Variants in COL22A1 observed in about 807,000 individuals in gnomAD.
The protein encoded by COL22A1 is collagen alpha-1(XXII) chain.
COL22A1 carries 221 observed loss-of-function variants against 248.9 expected under a neutral mutation model. The observed-to-expected ratio is 0.89, with a 90% confidence interval of 0.80 to 0.99. The LOEUF is 0.99. Ranked by LOEUF, COL22A1 falls within the 50% of genes least tolerant of loss-of-function variation. COL22A1 has a pLI of 0.00. For missense variants in COL22A1, 2,240 were observed against 2,179.0 expected (o/e 1.03, Z -0.56); for synonymous variants, 891 against 793.4 (o/e 1.12, Z -2.07).
At chr8:138,708,288 C>T (rs201701350) in intron 30 of COL22A1, among the ~76,000 whole-genome samples, 2 of 152,086 alleles carry the variant, frequency 1.3e-5, no homozygotes, top group African/African-American at 2.4e-5. Context: ...AAAAACTACT[C>T]TAAAGTTCAT....
At chr8:138,611,675 TG>T (rs1267155605) in intron 56 of COL22A1, among the ~76,000 whole-genome samples, 1 of 152,242 alleles carries the variant, frequency 6.6e-6, no homozygotes, top group Non-Finnish European at 1.5e-5. Context: ...GTTTTCCCCG[TG>T]GGGTTGATAT....
intron 37 of COL22A1, among the ~76,000 whole-genome samples, chr8:138,688,684 T>A (rs1826565092): frequency 6.6e-6 from 1 of 152,072 alleles, no homozygotes; most frequent in Non-Finnish European, 1.5e-5. Context: ...CTAATTAACT[T>A]CTCAGAGCCT....
intron 59 of COL22A1, among the ~76,000 whole-genome samples, chr8:138,602,632 G>C (rs1376236457): frequency 4.6e-5 from 7 of 152,114 alleles, no homozygotes; most frequent in Non-Finnish European, 7.4e-5. Flanking sequence ...TGGCCTGCAG[G>C]TCTCCTCTTC....
At chr8:138,672,033 A>G (rs968603197) in intron 41 of COL22A1, among the ~76,000 whole-genome samples, 2 of 152,174 alleles carry the variant, frequency 1.3e-5, no homozygotes, top group Non-Finnish European at 2.9e-5. Flanking sequence ...CAAATTTTCA[A>G]TTGTGCAGGG....
intron 3 of COL22A1, among the ~76,000 whole-genome samples, chr8:138,850,037 C>T (rs994982169): frequency 8.5e-5 from 13 of 152,072 alleles, no homozygotes; most frequent in South Asian, 2.1e-4. Flanking sequence ...TAATTGAAAG[C>T]GGGAGGAAAT....
chr8:138,891,683 C>A (rs1456176397), intron 1 of COL22A1, among the ~76,000 whole-genome samples: 1 of 152,158 alleles, frequency 6.6e-6, no homozygotes, highest in Non-Finnish European at 1.5e-5. Flanking sequence ...TAGGTCCATA[C>A]TCAGTCACTC....
intron 62 of COL22A1, among the ~76,000 whole-genome samples, chr8:138,594,903 A>G (rs1051048270): frequency 6.6e-6 from 1 of 152,200 alleles, no homozygotes; most frequent in South Asian, 2.1e-4. Flanking sequence ...TGGTCACTGG[A>G]GATCCTATAC....
intron 4 of COL22A1, among the ~76,000 whole-genome samples, chr8:138,843,020 G>A (rs1397844413): frequency 6.6e-6 from 1 of 152,146 alleles, no homozygotes; most frequent in Admixed American, 6.5e-5. Flanking sequence ...TCTGGGAAAC[G>A]GGGTCAAATG....
chr8:138,792,593 A>C (rs1013874356), intron 12 of COL22A1, among the ~76,000 whole-genome samples: 3 of 152,368 alleles, frequency 2.0e-5, no homozygotes, highest in South Asian at 4.1e-4. Context: ...AATGGGACTA[A>C]CCAGGAGAAT....
rs760250526 is a variant in COL22A1 at position 138,755,767 on chromosome 8, C to T, written c.1947+18G>A. On this transcript the variant is annotated intron_variant, in intron 19 of 64. Transcript: ENST00000303045. Reference sequence around the variant, plus strand: ...CCACCAGCACCTGCATCCATGATTCCAACCACTGCTGACTCACCACTGAGC... The same window carrying T: ...CCACCAGCACCTGCATCCATGATTCTAACCACTGCTGACTCACCACTGAGC... 1.2e-6 allele frequency: 2 copies of T among 1,613,770 alleles called. No individual in the cohort carries two copies. Among genetic ancestry groups the T allele is most frequent in the African/African-American group, 1.3e-5 (1 of 75,020 alleles).
intron 47 of COL22A1, among the ~76,000 whole-genome samples, chr8:138,641,847 C>T (rs1365808829): frequency 6.6e-6 from 1 of 152,188 alleles, no homozygotes; most frequent in East Asian, 1.9e-4. Context: ...TTTCAGTTTA[C>T]AAACTCATCT....
chr8:138,811,193 ACGGT>A (rs1818178941), intron 9 of COL22A1, among the ~76,000 whole-genome samples: 1 of 146,012 alleles, frequency 6.8e-6, no homozygotes, highest in Admixed American at 6.9e-5. Context: ...CCATTCTAGG[ACGGT>A]CGTGGTGGTG....
chr8:138,679,618 T>C lies in COL22A1; in HGVS notation c.3071A>G (p.Lys1024Arg). 1 of 1,613,882 alleles carries C rather than the reference T, an allele frequency of 6.2e-7. No homozygotes were observed. The highest frequency in any genetic ancestry group is 8.5e-7 in the Non-Finnish European group (1 of 1,179,792). The change falls in exon 40 of 65, where the codon AAG (lysine) becomes AGG (arginine). Residue 1024 changes from lysine to arginine, a missense_variant and splice_region_variant. Coordinates refer to ENST00000303045, the MANE Select transcript of COL22A1 (RefSeq NM_152888.3). The part of the protein sequence containing the change: ...ENCALGGQCV[K>R]GDRGAPGIPG... ...ATGTTTGCATAGATCTTCACTGACCTTAACACATTGCCCTCCCAGTGCACA... is the reference window on the plus strand; with the variant it reads ...ATGTTTGCATAGATCTTCACTGACCCTAACACATTGCCCTCCCAGTGCACA...
intron 3 of COL22A1, among the ~76,000 whole-genome samples, chr8:138,858,026 C>A (rs1340132292): frequency 6.6e-6 from 1 of 152,226 alleles, no homozygotes; most frequent in Non-Finnish European, 1.5e-5. Flanking sequence ...TTGATCAAAC[C>A]TTTGACCCAA....
chr8:138,743,126 GTGATGGTGATGGTGGAGT>G (rs1366676210), intron 22 of COL22A1, among the ~76,000 whole-genome samples: 4 of 150,046 alleles, frequency 2.7e-5, no homozygotes, highest in Non-Finnish European at 5.9e-5. Flanking sequence ...GGTAGTGATT[GTGATGGTGATGGTGGAGT>G]TGATGGTGAT....
At chr8:138,807,383 G>A (rs1053268824) in intron 10 of COL22A1, among the ~76,000 whole-genome samples, 1 of 152,208 alleles carries the variant, frequency 6.6e-6, no homozygotes, top group Non-Finnish European at 1.5e-5. Flanking sequence ...GAAATCATGT[G>A]TTTAAAGGGT....
intron 40 of COL22A1, among the ~76,000 whole-genome samples, chr8:138,678,241 G>A (rs192209114): frequency 2.0e-5 from 3 of 152,308 alleles, no homozygotes; most frequent in Non-Finnish European, 4.4e-5. Context: ...TGTTCATGGG[G>A]ATATGAAGGA....
chr8:138,649,598 T>G, intron 46 of COL22A1, 67 bp downstream of exon 46: 1 of 1,557,442 alleles, frequency 6.4e-7, no homozygotes, highest in Non-Finnish European at 8.7e-7. Flanking sequence ...GATGGGGCAA[T>G]ACTGAGATCT....
chr8:138,636,851 A>G (rs1821225025), intron 47 of COL22A1, 56 bp from the exon 48 acceptor site: 1 of 1,423,668 alleles, frequency 7.0e-7, no homozygotes, highest in Admixed American at 1.7e-5. Flanking sequence ...ATAGGAAAAC[A>G]AAAATCATTT....
Sources: allele counts gnomAD v4.1 joint callset (sites outside exome capture counted in the v4.1 genomes callset), GRCh38; gene constraint gnomAD v4.1.1; transcripts MANE v1.5; gene names NCBI Gene and HGNC (gene_info 2026-07-23, HGNC 2026-07-21).